Variants in ADAMTS8 observed in about 807,000 individuals in gnomAD.
The protein encoded by ADAMTS8 is ADAM metallopeptidase with thrombospondin type 1 motif 8, also known as A disintegrin and metalloproteinase with thrombospondin motifs 8.
Under a neutral mutation model 64.4 loss-of-function variants are expected in ADAMTS8, and 50 were observed. That is an observed-to-expected ratio of 0.78 (90% CI 0.62 to 0.98). The LOEUF is 0.98. Ranked by LOEUF, ADAMTS8 falls within the 50% of genes least tolerant of loss-of-function variation. ADAMTS8 has a pLI of 0.00. For synonymous variants in ADAMTS8, 556 were observed against 533.6 expected, an observed-to-expected ratio of 1.04 and a Z score of -0.58; for missense variants, 1,192 against 1,208.2, an observed-to-expected ratio of 0.99 and a Z score of 0.20.
rs373125600 is a variant in ADAMTS8 at position 130,414,601 on chromosome 11, G to T, written c.1496C>A (p.Thr499Lys). 4 of 1,613,316 alleles carry T rather than the reference G, an allele frequency of 2.5e-6. No homozygotes were observed. The highest frequency in any genetic ancestry group is 3.4e-6 in the Non-Finnish European group (4 of 1,179,936). ...KNGSLPWADG[T>K]PCGPGHLCSE... Reference sequence around the variant, plus strand: ...GCAGAGGTGCCCAGGCCCGCACGGCGTGCCGTCAGCCCAGGGCAGGCTGCC... The same window carrying T: ...GCAGAGGTGCCCAGGCCCGCACGGCTTGCCGTCAGCCCAGGGCAGGCTGCC... The change falls in exon 5 of 9, where the codon ACG (threonine) becomes AAG (lysine). Residue 499 changes from threonine to lysine, a missense_variant. Thr to Lys is a moderately conservative substitution (Grantham distance 78). Transcript: ENST00000257359.
At position 130,428,058 on chromosome 11, in the gene ADAMTS8, G is replaced by C; in HGVS notation, c.229C>G (p.Pro77Ala). ...RLAPDDSFLA[P>A]EFKIERLGGS... Reference sequence around the variant, plus strand: ...CCGAGGCGCTCGATCTTGAACTCGGGCGCTAGGAAGCTGTCGTCGGGCGCC... The same window carrying C: ...CCGAGGCGCTCGATCTTGAACTCGGCCGCTAGGAAGCTGTCGTCGGGCGCC... Residue 77 changes from proline to alanine, a missense_variant, in exon 1 of 9, where the codon CCC (proline) becomes GCC (alanine). By Grantham distance (27) the Pro-to-Ala change is conservative (BLOSUM62 -1). This residue lies in a region of ADAMTS8 where 741 missense variants were observed against 710.6 expected (regional missense o/e 1.04). Coordinates refer to ENST00000257359, the MANE Select transcript of ADAMTS8 (RefSeq NM_007037.6). 5.9e-6 allele frequency: 9 copies of C among 1,532,740 alleles called. No homozygotes were observed. The highest frequency in any genetic ancestry group is 7.8e-6 in the Non-Finnish European group (9 of 1,147,316). The allele number at this position is 1,532,740 out of a possible 1,614,324, so 94.9% of individuals were successfully genotyped here.
At chr11:130,409,817 C>T (rs974941517) in intron 6 of ADAMTS8, among the ~76,000 whole-genome samples, 5 of 152,220 alleles carry the variant, frequency 3.3e-5, no homozygotes, top group African/African-American at 1.2e-4. Context: ...CCAAGGTTCC[C>T]TGCCCAAACT....
chr11:130,422,297 C>T (rs1330923562), intron 1 of ADAMTS8, among the ~76,000 whole-genome samples: 1 of 152,074 alleles, frequency 6.6e-6, no homozygotes, highest in Non-Finnish European at 1.5e-5. Flanking sequence ...ATAACAACAC[C>T]CTGGCCAGTT....
In ADAMTS8 at chr11:130,414,527, T is replaced by G. The variant is rs1861993855; in HGVS notation, c.1566+4A>C. The G allele has an allele frequency of 6.3e-7, 1 of 1,586,986 alleles. No homozygotes were observed. Among genetic ancestry groups the G allele is most frequent in the Non-Finnish European group, 8.6e-7 (1 of 1,163,456 alleles). ...CCCCGCTATCCTCAGGGGCTGTCCC[T>G]CACCTTGGGCCTCTCCACTTCCTCC... On this transcript the variant is annotated splice_donor_region_variant and intron_variant, in intron 5 of 8. Coordinates refer to ENST00000257359, the MANE Select transcript of ADAMTS8 (RefSeq NM_007037.6).
intron 6 of ADAMTS8, among the ~76,000 whole-genome samples, chr11:130,409,195 C>A (rs1400871546): frequency 6.6e-6 from 1 of 152,080 alleles, no homozygotes; most frequent in Admixed American, 6.5e-5. Context: ...GGGAAAGAGA[C>A]TCATTGTACT....
chr11:130,408,735 A>C (rs374907085), intron 7 of ADAMTS8, 33 bp downstream of exon 7: 12 of 1,613,194 alleles, frequency 7.4e-6, no homozygotes, highest in Non-Finnish European at 9.3e-6. Context: ...CTTCCTCCCC[A>C]TCTCTGGATC....
At position 130,428,021 on chromosome 11, in the gene ADAMTS8, C is replaced by G. The variant is rs1862199458; in HGVS notation, c.266G>C (p.Arg89Pro). Reference sequence around the variant, plus strand: ...CAGCCCCCGCTCGCCCCCGGTCGCCCGGCCGGAGCCCCCGAGGCGCTCGAT... The same window carrying G: ...CAGCCCCCGCTCGCCCCCGGTCGCCGGGCCGGAGCCCCCGAGGCGCTCGAT... ...FKIERLGGSG[R>P]ATGGERGLRG... The change falls in exon 1 of 9, where the codon CGG becomes CCG. Residue 89 changes from arginine to proline, a missense_variant. Coordinates refer to ENST00000257359, the MANE Select transcript of ADAMTS8 (RefSeq NM_007037.6). 1 of 1,525,992 alleles carries G rather than the reference C, an allele frequency of 6.6e-7. No homozygotes were observed. The highest frequency in any genetic ancestry group is 8.7e-7 in the Non-Finnish European group (1 of 1,143,200). The allele number at this position is 1,525,992 out of a possible 1,614,324, so 94.5% of individuals were successfully genotyped here.
chr11:130,417,635 C>T (rs1234529049), intron 2 of ADAMTS8, among the ~76,000 whole-genome samples: 2 of 142,124 alleles, frequency 1.4e-5, no homozygotes, highest in East Asian at 1.9e-4. Context: ...GTAATTGTAG[C>T]TCACTTAGCC....
chr11:130,415,544 C>T (rs2134681770), intron 4 of ADAMTS8, among the ~76,000 whole-genome samples: 1 of 150,830 alleles, frequency 6.6e-6, no homozygotes, highest in South Asian at 2.1e-4. Flanking sequence ...ACCTTGTGAT[C>T]CACCTGCCTC....
At position 130,416,123 on chromosome 11, in the gene ADAMTS8, G is replaced by A; in HGVS notation, c.1264+40C>T. On this transcript the variant is annotated intron_variant, in intron 4 of 8. Transcript: ENST00000257359. The surrounding 1 kb of genome is among the most constrained non-coding windows in gnomAD (Gnocchi z 4.8). ...CTCTGCGCCAGCACCAGTGGAAGGA[G>A]GCCCACGGGGACAAGTAGGGCGGGG... The A allele has an allele frequency of 6.6e-7, 1 of 1,522,070 alleles. No individual in the cohort carries two copies. The highest frequency in any genetic ancestry group is 8.8e-7 in the Non-Finnish European group (1 of 1,132,154). The allele number at this position is 1,522,070 out of a possible 1,614,324, so 94.3% of individuals were successfully genotyped here. A position where few individuals can be genotyped will look rare whatever the true frequency, so the allele number is the denominator to read the frequency against.
rs537412068 is a variant in ADAMTS8, at chr11:130,419,415, A to G, written c.721-123T>C. The G allele has an allele frequency of 4.4e-6, 6 of 1,373,678 alleles. No individual in the cohort carries two copies. The South Asian group carries it at 8.1e-5, about 19-fold the overall frequency. 85.1% of individuals were successfully genotyped at this position (1,373,678 alleles called of 1,614,324 possible). A position where few individuals can be genotyped will look rare whatever the true frequency, so the allele number is the denominator to read the frequency against. The stretch of plus-strand genomic sequence containing the variant: ...AGCATCAGATTCCTACCAAAGCCTC[A>G]CAATACCCCCGAGGTCTCCGTGTTA... On this transcript the variant is annotated intron_variant, in intron 1 of 8. Transcript: ENST00000257359.
chr11:130,417,119 T>G (rs1862037256), intron 2 of ADAMTS8, 44 bp from the exon 3 acceptor site: 2 of 1,608,884 alleles, frequency 1.2e-6, no homozygotes, highest in Non-Finnish European at 8.5e-7. Context: ...AGTGTGTGTG[T>G]GGGGTGCGCT....
Position 130,404,993 on chromosome 11 carries a change from G to A in ADAMTS8, c.*565C>T. The A allele has an allele frequency of 1.0e-6, 1 of 986,716 alleles. No individual in the cohort carries two copies. The highest frequency in any genetic ancestry group is 1.2e-6 in the Non-Finnish European group (1 of 830,634). The allele number at this position is 986,716 out of a possible 1,614,324, so 61.1% of individuals were successfully genotyped here. A position where few individuals can be genotyped will look rare whatever the true frequency, so the allele number is the denominator to read the frequency against. On this transcript the variant is annotated 3_prime_UTR_variant, in exon 9 of 9. Transcript: ENST00000257359. ...ACTTGAAATGGATCCACCCCTGCAG[G>A]TGGCAGCCTGAGAACATGTGGCTCT...
chr11:130,420,458 G>T (rs1035515009), intron 1 of ADAMTS8, among the ~76,000 whole-genome samples: 1 of 152,132 alleles, frequency 6.6e-6, no homozygotes, highest in African/African-American at 2.4e-5. Context: ...TGTTCCTTGA[G>T]CCTGGAGTGT....
chr11:130,414,973 G>C, intron 4 of ADAMTS8, 141 bp from the exon 5 acceptor site: 2 of 896,098 alleles, frequency 2.2e-6, no homozygotes, highest in Non-Finnish European at 3.3e-6. Flanking sequence ...ACCACTTGAT[G>C]ATCTAGTGAG....
At chr11:130,414,856 G>GT (rs1481225362) in intron 4 of ADAMTS8, 24 bp from the exon 5 acceptor site, 1 of 1,580,988 alleles carries the variant, frequency 6.3e-7, no homozygotes, top group Non-Finnish European at 8.6e-7. Flanking sequence ...AAGCAGGGGT[G>GT]TAAGAACATG....
At chr11:130,425,704 C>T (rs1188548931) in intron 1 of ADAMTS8, among the ~76,000 whole-genome samples, 1 of 151,840 alleles carries the variant, frequency 6.6e-6, no homozygotes, top group East Asian at 1.9e-4. Context: ...GAGTTGACAC[C>T]ATTCTCCTGC....
chr11:130,414,763 A>G lies in ADAMTS8; in HGVS notation c.1334T>C (p.Leu445Pro), dbSNP rs982450123. 1 of 1,613,468 alleles carries G rather than the reference A, an allele frequency of 6.2e-7. No homozygotes were observed. Residue 445 changes from leucine (L) to proline (P), a missense_variant, in exon 5 of 9, where the codon CTG becomes CCG. By Grantham distance (98) the Leu-to-Pro change is moderately conservative. This residue lies in a region of ADAMTS8 where 741 missense variants were observed against 710.6 expected (regional missense o/e 1.04). Transcript: ENST00000257359. The stretch of plus-strand genomic sequence containing the variant: ...CCTGCACTGCTGGTCCAGCTGGTAC[A>G]GGGCCATGCGGCCCGGGAGGCCTGT... Reference protein sequence around the residue: ...LPTGLPGRMALYQLDQQCRQI... With the variant: ...LPTGLPGRMAPYQLDQQCRQI...
At position 130,416,194 on chromosome 11, in the gene ADAMTS8, C is replaced by A; in HGVS notation, c.1233G>T (p.Met411Ile). 6.3e-7 allele frequency: 1 copy of A among 1,596,836 alleles called. No individual in the cohort carries two copies. Among genetic ancestry groups the A allele is most frequent in the African/African-American group, 1.3e-5 (1 of 74,780 alleles). Reference sequence around the variant, plus strand: ...CGCCGTCCAGAAGCTCTGTGAGATACATGGCGCTGCAGGGGGACCAGGGCA... The same window carrying A: ...CGCCGTCCAGAAGCTCTGTGAGATAAATGGCGCTGCAGGGGGACCAGGGCA... ...QTLPWSPCSA[M>I]YLTELLDGGH... The change falls in exon 4 of 9, where the codon ATG becomes ATT. Residue 411 changes from methionine (M) to isoleucine (I), a missense_variant. Coordinates refer to ENST00000257359, the MANE Select transcript of ADAMTS8 (RefSeq NM_007037.6). The surrounding 1 kb of genome is among the most constrained non-coding windows in gnomAD (Gnocchi z 4.8).
Sources: gnomAD v4.1 joint callset for allele counts (sites outside exome capture counted in the v4.1 genomes callset) on GRCh38, gnomAD v4.1.1 for gene constraint, gnomAD v4.1.1 regional missense constraint, Gnocchi (gnomAD v3.1) non-coding constraint, MANE v1.5 for transcripts, NCBI Gene and HGNC (gene_info 2026-07-23, HGNC 2026-07-21) for gene names.